The following ZBTB46 variants were observed in gnomAD, a reference collection of about 807,000 sequenced individuals.
ZBTB46 encodes zinc finger and BTB domain-containing protein 46.
A neutral mutation model predicts 44.1 loss-of-function variants in ZBTB46; 8 were observed. The observed-to-expected ratio is 0.18, with a 90% CI of 0.11 to 0.33. The LOEUF (loss-of-function observed/expected upper bound fraction) is 0.33, where lower values mean the gene tolerates loss of function less well. Ranked by LOEUF, ZBTB46 falls within the 10% of genes least tolerant of loss-of-function variation. The pLI, the probability that ZBTB46 is intolerant of heterozygous loss-of-function variation, is 1.00. For synonymous variants in ZBTB46, 409 were observed against 382.3 expected (o/e 1.07, Z -0.81); for missense variants, 651 against 847.7 (o/e 0.77, Z 2.88).
At chr20:63,751,167 T>G (rs562442662) in intron 4 of ZBTB46, among the ~76,000 whole-genome samples, 6 of 127,254 alleles carry the variant, frequency 4.7e-5, no homozygotes, top group African/African-American at 1.5e-4. Flanking sequence ...GTTTGTAAGA[T>G]CAGCCCTGTG....
chr20:63,792,326 G>A (rs1224963324), intron 1 of ZBTB46, among the ~76,000 whole-genome samples: 2 of 152,198 alleles, frequency 1.3e-5, no homozygotes, highest in Non-Finnish European at 2.9e-5. Context: ...GGACTCACCT[G>A]AAATGCTAAA....
chr20:63,804,906 A>C (rs1239840523), intron 1 of ZBTB46, among the ~76,000 whole-genome samples: 1 of 150,484 alleles, frequency 6.6e-6, no homozygotes, highest in Non-Finnish European at 1.5e-5. Context: ...AAACAACAAC[A>C]AAAAAAACCT....
At chr20:63,793,127 G>A (rs1047509806) in intron 1 of ZBTB46, among the ~76,000 whole-genome samples, 6 of 141,568 alleles carry the variant, frequency 4.2e-5, no homozygotes, top group Admixed American at 2.8e-4. Flanking sequence ...GCCCCCGCCT[G>A]ACTCCAGGTG....
intron 1 of ZBTB46, among the ~76,000 whole-genome samples, chr20:63,825,805 A>G (rs1434421229): frequency 1.3e-5 from 2 of 152,210 alleles, no homozygotes; most frequent in African/African-American, 4.8e-5. Flanking sequence ...ACACTGCGAC[A>G]GGTAATGCTT....
chr20:63,790,097 C>A lies in ZBTB46; in HGVS notation c.661G>T (p.Val221Leu), dbSNP rs372193726. ...TTGATGCGCAGAGGCCCGTAGCCCA[C>A]GTCTCCAGGCCATAGAGGCTGTGAA... ...VSSQPLWPGD[V>L]GYGPLRIKEE... is the part of the protein sequence containing the mutation. Residue 221 changes from valine (V) to leucine (L), a missense_variant, in exon 2 of 5, where the codon GTG (valine) becomes TTG (leucine). Coordinates refer to ENST00000245663, the MANE Select transcript of ZBTB46 (RefSeq NM_001369741.1). 6.8e-6 allele frequency: 11 copies of A among 1,614,044 alleles called. No homozygotes were observed. The highest frequency in any genetic ancestry group is 9.3e-6 in the Non-Finnish European group (11 of 1,180,040).
chr20:63,809,863 T>C (rs6011142), intron 1 of ZBTB46, among the ~76,000 whole-genome samples: 1 of 151,008 alleles, frequency 6.6e-6, no homozygotes, highest in East Asian at 2.0e-4. Flanking sequence ...CTCTGGAGGA[T>C]GAAGTGGGAG....
At chr20:63,754,466 C>A (rs1202256968) in intron 3 of ZBTB46, among the ~76,000 whole-genome samples, 1 of 151,706 alleles carries the variant, frequency 6.6e-6, no homozygotes, top group Non-Finnish European at 1.5e-5. Flanking sequence ...CATTTTTTTT[C>A]TCTTTTTTTA....
Position 63,752,581 on chromosome 20 carries a change from G to C in ZBTB46, c.1398+105C>G. 1 of 1,336,568 alleles carries C rather than the reference G, an allele frequency of 7.5e-7. No homozygotes were observed. The allele number at this position is 1,336,568 out of a possible 1,614,324, so 82.8% of individuals were successfully genotyped here. A position where few individuals can be genotyped will look rare whatever the true frequency, so the allele number is the denominator to read the frequency against. ...GCTGTCGTCCCCCCTGTGCAGAGTG[G>C]ACCCGGTGTGGGGTCCGGGGCGGTC... On this transcript the variant is annotated intron_variant, in intron 4 of 4. Transcript: ENST00000245663. The surrounding 1 kb of genome is among the most constrained non-coding windows in gnomAD (Gnocchi z 5.6).
At chr20:63,812,281 G>A (rs1175014297) in intron 1 of ZBTB46, among the ~76,000 whole-genome samples, 4 of 152,162 alleles carry the variant, frequency 2.6e-5, no homozygotes, top group Admixed American at 2.0e-4. Flanking sequence ...AGGCTGAGGC[G>A]GGCAGATCAC....
chr20:63,821,381 G>A (rs2092791435), intron 1 of ZBTB46, among the ~76,000 whole-genome samples: 1 of 150,702 alleles, frequency 6.6e-6, no homozygotes, highest in South Asian at 2.1e-4. Context: ...TTAAACTCCT[G>A]GGCTCAAACG....
At chr20:63,823,135 T>A (rs2092801679) in intron 1 of ZBTB46, among the ~76,000 whole-genome samples, 1 of 151,918 alleles carries the variant, frequency 6.6e-6, no homozygotes, top group African/African-American at 2.4e-5. Context: ...ACCACTGCAC[T>A]CCAGCCTGAG....
chr20:63,779,711 C>T (rs1053868605), intron 2 of ZBTB46, among the ~76,000 whole-genome samples: 22 of 151,296 alleles, frequency 1.5e-4, no homozygotes, highest in Non-Finnish European at 2.9e-5. Flanking sequence ...TGTGAGCCAC[C>T]GCGCCCGGCC....
chr20:63,760,689 C>T (rs2092266218), intron 3 of ZBTB46, among the ~76,000 whole-genome samples: 1 of 152,128 alleles, frequency 6.6e-6, no homozygotes. Flanking sequence ...GATCTCCTGA[C>T]CTCGTGATCC....
intron 2 of ZBTB46, among the ~76,000 whole-genome samples, chr20:63,780,654 G>A (rs553978176): frequency 2.9e-4 from 43 of 150,234 alleles, no homozygotes; most frequent in Non-Finnish European, 4.9e-4. Context: ...TACAAAAAAT[G>A]AGCCGGGCGT....
chr20:63,794,688 C>CA (rs2092587043), intron 1 of ZBTB46, among the ~76,000 whole-genome samples: 1 of 152,212 alleles, frequency 6.6e-6, no homozygotes, highest in African/African-American at 2.4e-5. Flanking sequence ...GCTGCAACCC[C>CA]AAAACAGAAG....
In ZBTB46 at chr20:63,745,520, C is replaced by A. The variant is rs1242300207; in HGVS notation, c.*1410G>T. On this transcript the variant is annotated 3_prime_UTR_variant, in exon 5 of 5. Coordinates refer to ENST00000245663, the MANE Select transcript of ZBTB46 (RefSeq NM_001369741.1). ...TAGAAAAAGAGAGTAAAAACTCTTT[C>A]CACGCAGCCCTGAAGCTCAGCACTC... 1 of 152,262 alleles carries A rather than the reference C, an allele frequency of 6.6e-6. No individual in the cohort carries two copies. Among genetic ancestry groups the A allele is most frequent in the Non-Finnish European group, 1.5e-5 (1 of 68,062 alleles). The allele number at this position is 152,262 out of a possible 1,614,324, so 9.4% of individuals were successfully genotyped here.
Position 63,752,734 on chromosome 20 carries a change from G to C in ZBTB46, c.1350C>G (p.Ile450Met). Residue 450 changes from isoleucine (I) to methionine (M), a missense_variant, in exon 4 of 5, where the codon ATC becomes ATG. Physicochemically the swap from Ile to Met is conservative, Grantham distance 10 (BLOSUM62 1). Around this residue, in one of 5 missense-constraint regions of ZBTB46, gnomAD observed 20 missense variants for 67.7 expected, o/e 0.30. Transcript: ENST00000245663. The surrounding 1 kb of genome is among the most constrained non-coding windows in gnomAD (Gnocchi z 5.6). The stretch of plus-strand genomic sequence containing the variant: ...CGCGCCGCGTGAACTTCTTCCCGCA[G>C]ATCTCGCAGGGGTAGGGCCGCTCTC... ...HTGERPYPCE[I>M]CGKKFTRREH... The C allele has an allele frequency of 6.2e-7, 1 of 1,609,728 alleles. No individual in the cohort carries two copies. Among genetic ancestry groups the C allele is most frequent in the Middle Eastern group, 1.7e-4 (1 of 6,052 alleles).
chr20:63,807,871 G>A (rs2092691402), intron 1 of ZBTB46, among the ~76,000 whole-genome samples: 1 of 152,364 alleles, frequency 6.6e-6, no homozygotes, highest in South Asian at 2.1e-4. Context: ...TCTGGCCTCC[G>A]AGGCCGTGTG....
At chr20:63,761,964 T>C (rs982665633) in intron 3 of ZBTB46, among the ~76,000 whole-genome samples, 4 of 152,168 alleles carry the variant, frequency 2.6e-5, no homozygotes, top group African/African-American at 9.7e-5. Context: ...CCTTTGATAT[T>C]TGTTGAACCT....
Sources: gnomAD v4.1 joint callset for allele counts (sites outside exome capture counted in the v4.1 genomes callset) on GRCh38, gnomAD v4.1.1 for gene constraint, gnomAD v4.1.1 regional missense constraint, Gnocchi (gnomAD v3.1) non-coding constraint, MANE v1.5 for transcripts, NCBI Gene and HGNC (gene_info 2026-07-23, HGNC 2026-07-21) for gene names.